ARHGEF26: variants seen among roughly 807,000 people sequenced by gnomAD.
The protein encoded by ARHGEF26 is Rho guanine nucleotide exchange factor (GEF) 26.
In ARHGEF26, 59 loss-of-function variants were observed where a neutral mutation model predicts 89.4. The observed-to-expected ratio is 0.66, with a 90% CI of 0.54 to 0.82. The LOEUF is 0.82. Among genes scored for constraint, ARHGEF26 ranks in the 40% least tolerant of loss-of-function variants. The pLI is 0.00. For synonymous variants in ARHGEF26, 500 were observed against 428.4 expected, an observed-to-expected ratio of 1.17 and a Z score of -2.06; for missense variants, 1,234 against 1,085.6, an observed-to-expected ratio of 1.14 and a Z score of -1.92.
rs1190072998 is a variant in ARHGEF26 at position 154,122,198 on chromosome 3, C to T, written c.206C>T (p.Pro69Leu). The T allele has an allele frequency of 6.2e-7, 1 of 1,602,952 alleles. No homozygotes were observed. Among genetic ancestry groups the T allele is most frequent in the Non-Finnish European group, 8.5e-7 (1 of 1,175,112 alleles). The change falls in exon 2 of 15, where the codon CCC (proline) becomes CTC (leucine). Residue 69 changes from proline (P) to leucine (L), a missense_variant. By Grantham distance (98) the Pro-to-Leu change is moderately conservative. Transcript: ENST00000465093. ...LLAAQIPAQV[P>L]TASDSRTVHR... is the part of the protein sequence containing the mutation. ...GCAGCGCAGATTCCCGCCCAGGTGC[C>T]CACCGCCTCGGACAGCAGGACGGTA...
At chr3:154,182,297 T>C (rs1713237689) in intron 6 of ARHGEF26, among the ~76,000 whole-genome samples, 3 of 152,032 alleles carry the variant, frequency 2.0e-5, no homozygotes. Context: ...CTGGAATAGA[T>C]GAAATTTAAT....
intron 4 of ARHGEF26, among the ~76,000 whole-genome samples, chr3:154,137,556 C>T (rs1206040126): frequency 6.6e-6 from 1 of 152,154 alleles, no homozygotes; most frequent in East Asian, 1.9e-4. Flanking sequence ...GACTACTTAG[C>T]TTGGGCCAGG....
chr3:154,190,088 A>G (rs1037297252), intron 7 of ARHGEF26, among the ~76,000 whole-genome samples: 4 of 152,114 alleles, frequency 2.6e-5, no homozygotes, highest in Non-Finnish European at 5.9e-5. Flanking sequence ...TGGGAGTACA[A>G]TATCCATCTA....
intron 9 of ARHGEF26, among the ~76,000 whole-genome samples, chr3:154,195,387 AGAT>A (rs1313441941): frequency 6.6e-6 from 1 of 152,194 alleles, no homozygotes; most frequent in Non-Finnish European, 1.5e-5. Flanking sequence ...CCTGATCGTA[AGAT>A]GATGTAGAGG....
At chr3:154,197,176 G>A (rs1337802663) in intron 9 of ARHGEF26, among the ~76,000 whole-genome samples, 1 of 152,092 alleles carries the variant, frequency 6.6e-6, no homozygotes, top group Non-Finnish European at 1.5e-5. Context: ...TCTCTGAAGG[G>A]CATCATTCCT....
intron 9 of ARHGEF26, among the ~76,000 whole-genome samples, chr3:154,208,324 C>G (rs1226740037): frequency 6.6e-6 from 1 of 152,178 alleles, no homozygotes; most frequent in Non-Finnish European, 1.5e-5. Context: ...ACTGGGATTA[C>G]AGGTGTGACC....
In ARHGEF26 at chr3:154,225,854, A is replaced by T; in HGVS notation, c.1936-2A>T. 6.3e-7 allele frequency: 1 copy of T among 1,592,020 alleles called. No individual in the cohort carries two copies. Among genetic ancestry groups the T allele is most frequent in the Non-Finnish European group, 8.5e-7 (1 of 1,172,772 alleles). ...GGTCACTGGGTTTTTCTCCTTTTGTAGCCTTTTCCTTTAGTCTCCTCTTCC... is the reference window on the plus strand; with the variant it reads ...GGTCACTGGGTTTTTCTCCTTTTGTTGCCTTTTCCTTTAGTCTCCTCTTCC... On this transcript the variant is annotated splice_acceptor_variant, in intron 10 of 14. Transcript: ENST00000465093. LOFTEE classifies it high-confidence loss of function.
chr3:154,136,153 A>C (rs1336526579), intron 4 of ARHGEF26, among the ~76,000 whole-genome samples: 1 of 152,124 alleles, frequency 6.6e-6, no homozygotes, highest in Non-Finnish European at 1.5e-5. Flanking sequence ...AGTCATTGGA[A>C]TGTTTCTTCA....
chr3:154,186,385 CAT>C (rs1215959869), intron 6 of ARHGEF26, among the ~76,000 whole-genome samples: 1 of 151,982 alleles, frequency 6.6e-6, no homozygotes, highest in African/African-American at 2.4e-5. Flanking sequence ...TGATATATAT[CAT>C]ATGTGTATTA....
intron 4 of ARHGEF26, among the ~76,000 whole-genome samples, chr3:154,148,775 CT>C (rs1719835327): frequency 6.6e-6 from 1 of 152,138 alleles, no homozygotes; most frequent in Admixed American, 6.5e-5. Flanking sequence ...AGTCTCCTCC[CT>C]TATTAAAATG....
chr3:154,241,848 G>T (rs1479335296), intron 12 of ARHGEF26, among the ~76,000 whole-genome samples: 1 of 152,192 alleles, frequency 6.6e-6, no homozygotes, highest in East Asian at 1.9e-4. Flanking sequence ...GGAGAATAAT[G>T]AATCTTATCA....
chr3:154,235,297 T>C (rs963943765), intron 11 of ARHGEF26, among the ~76,000 whole-genome samples: 1 of 152,224 alleles, frequency 6.6e-6, no homozygotes, highest in Admixed American at 6.5e-5. Context: ...TATCTACATA[T>C]AGAAGAAACC....
intron 6 of ARHGEF26, among the ~76,000 whole-genome samples, chr3:154,168,419 A>G (rs1712192092): frequency 6.6e-6 from 1 of 152,098 alleles, no homozygotes; most frequent in Admixed American, 6.6e-5. Context: ...TCTACAAAGT[A>G]TACAAAAATT....
chr3:154,197,827 A>C (rs1205103527), intron 9 of ARHGEF26, among the ~76,000 whole-genome samples: 2 of 152,126 alleles, frequency 1.3e-5, no homozygotes, highest in Admixed American at 1.3e-4. Flanking sequence ...TTCCATAGGA[A>C]TCTGGTAATT....
chr3:154,196,817 C>T, intron 9 of ARHGEF26, among the ~76,000 whole-genome samples: 1 of 151,144 alleles, frequency 6.6e-6, no homozygotes, highest in East Asian at 1.9e-4. Flanking sequence ...GGAGAAACTA[C>T]TAGAGAAGTT....
At chr3:154,186,134 T>TACACAC (rs1446154271) in intron 6 of ARHGEF26, among the ~76,000 whole-genome samples, 1 of 26,884 alleles carries the variant, frequency 3.7e-5, no homozygotes, top group Admixed American at 5.2e-4. Context: ...TACACACACT[T>TACACAC]AGACACACAC....
intron 12 of ARHGEF26, among the ~76,000 whole-genome samples, chr3:154,240,979 C>T (rs564634272): frequency 6.6e-6 from 1 of 152,336 alleles, no homozygotes; most frequent in East Asian, 1.9e-4. Flanking sequence ...GTTTCTCAGT[C>T]ACCTACCTTC....
intron 8 of ARHGEF26, among the ~76,000 whole-genome samples, chr3:154,193,535 A>C (rs924822142): frequency 2.2e-5 from 3 of 137,972 alleles, no homozygotes; most frequent in East Asian, 2.0e-4. Context: ...CTGTTGCTCT[A>C]ATCTGTTTCT....
chr3:154,129,680 C>A lies in ARHGEF26; in HGVS notation c.1230C>A (p.His410Gln). 6.2e-7 allele frequency: 1 copy of A among 1,612,390 alleles called. No individual in the cohort carries two copies. Among genetic ancestry groups the A allele is most frequent in the Non-Finnish European group, 8.5e-7 (1 of 1,179,252 alleles). Reference sequence around the variant, plus strand: ...AGTCAGATGAAAAAATTGTGATTCACCATAAGCCATTGAGATCCACATGGA... The same window carrying A: ...AGTCAGATGAAAAAATTGTGATTCAACATAAGCCATTGAGATCCACATGGA... Reference protein sequence around the residue: ...EQKSDEKIVIHHKPLRSTWSQ... With the variant: ...EQKSDEKIVIQHKPLRSTWSQ... The change falls in exon 4 of 15, where the codon CAC becomes CAA. Residue 410 changes from histidine (H) to glutamine (Q), a missense_variant. By Grantham distance (24) the His-to-Gln change is conservative (BLOSUM62 0). Transcript: ENST00000465093.
Sources: gnomAD v4.1 joint callset for allele counts (sites outside exome capture counted in the v4.1 genomes callset) on GRCh38, gnomAD v4.1.1 for gene constraint, MANE v1.5 for transcripts, NCBI Gene and HGNC (gene_info 2026-07-23, HGNC 2026-07-21) for gene names.